Variants in PEX14 observed in about 807,000 individuals in gnomAD.
PEX14 encodes peroxisomal biogenesis factor 14, also known as peroxisomal membrane protein PEX14.
Under a neutral mutation model 49.5 loss-of-function variants are expected in PEX14, and 15 were observed. The ratio of observed to expected loss-of-function variants is 0.30; its 90% CI spans 0.20 to 0.47. PEX14 has a LOEUF of 0.47. Among genes scored for constraint, PEX14 ranks in the 20% least tolerant of loss-of-function variants. The pLI, the probability that PEX14 is intolerant of heterozygous loss-of-function variation, is 1.00. For synonymous variants in PEX14, 210 were observed against 212.7 expected (o/e 0.99, Z 0.11); for missense variants, 398 against 494.8 (o/e 0.80, Z 1.86).
At chr1:10,486,432 C>A (rs932227654) in intron 1 of PEX14, among the ~76,000 whole-genome samples, 1 of 150,592 alleles carries the variant, frequency 6.6e-6, no homozygotes, top group East Asian at 2.0e-4. Flanking sequence ...GTAATCCCAG[C>A]ACTTTGGGAG....
chr1:10,563,216 G>A (rs926686854), intron 3 of PEX14, among the ~76,000 whole-genome samples: 6 of 150,832 alleles, frequency 4.0e-5, no homozygotes, highest in Admixed American at 1.3e-4. Flanking sequence ...GCGCCTGGCC[G>A]CTGAATGGTG....
At position 10,594,813 on chromosome 1, in the gene PEX14, G is replaced by A. The variant is rs907226898; in HGVS notation, c.170-4425G>A. On this transcript the variant is annotated intron_variant, in intron 3 of 8. Transcript: ENST00000356607. ...CTGAGTCGTGGGAAAGGACCCTAGG[G>A]CATCACAATCGCAGCCTGTACCCTG... 8.4e-4 allele frequency among the ~76,000 whole-genome samples: 56 copies of A among 66,286 alleles called. 1 individual carries two copies. The highest frequency in any genetic ancestry group is 2.5e-3 in the East Asian group (8 of 3,226). 43.5% of individuals were successfully genotyped at this position (66,286 alleles called of 152,430 possible).
At chr1:10,559,285 A>G (rs1230855878) in intron 3 of PEX14, among the ~76,000 whole-genome samples, 1 of 152,204 alleles carries the variant, frequency 6.6e-6, no homozygotes, top group Non-Finnish European at 1.5e-5. Flanking sequence ...CATAGCCATG[A>G]TGATTCCTAG....
chr1:10,530,078 C>T (rs1244901688), intron 2 of PEX14, among the ~76,000 whole-genome samples: 1 of 152,126 alleles, frequency 6.6e-6, no homozygotes, highest in Non-Finnish European at 1.5e-5. Flanking sequence ...GTTGACTTTC[C>T]CTTCTCCTTT....
chr1:10,550,635 A>G (rs950912922), intron 3 of PEX14, among the ~76,000 whole-genome samples: 2 of 152,250 alleles, frequency 1.3e-5, no homozygotes, highest in African/African-American at 4.8e-5. Flanking sequence ...GCTTAAAAGC[A>G]TTCACACATA....
At chr1:10,625,397 C>T (rs976818121) in intron 7 of PEX14, among the ~76,000 whole-genome samples, 6 of 152,228 alleles carry the variant, frequency 3.9e-5, no homozygotes, top group Non-Finnish European at 8.8e-5. Context: ...TCCCGAGTTG[C>T]TTACCCAGGG....
intron 3 of PEX14, among the ~76,000 whole-genome samples, chr1:10,575,678 A>T (rs910092773): frequency 2.0e-5 from 3 of 152,174 alleles, no homozygotes; most frequent in African/African-American, 7.2e-5. Context: ...ACGTTCTTCT[A>T]GTTTCTTGAG....
intron 3 of PEX14, among the ~76,000 whole-genome samples, chr1:10,570,452 C>T (rs1639938401): frequency 6.6e-6 from 1 of 152,042 alleles, no homozygotes; most frequent in African/African-American, 2.4e-5. Context: ...CCTGCCTCAG[C>T]CTCCTGAGTA....
At chr1:10,505,245 G>A (rs1641761158) in intron 2 of PEX14, among the ~76,000 whole-genome samples, 1 of 152,118 alleles carries the variant, frequency 6.6e-6, no homozygotes, top group Admixed American at 6.5e-5. Context: ...TGAGGCAAGA[G>A]AATTGCTTGA....
At chr1:10,595,313 C>T (rs988397709) in intron 3 of PEX14, among the ~76,000 whole-genome samples, 6 of 152,216 alleles carry the variant, frequency 3.9e-5, no homozygotes, top group Non-Finnish European at 8.8e-5. Flanking sequence ...CCCTCTTCGC[C>T]TCCCCTCCTC....
In PEX14 at chr1:10,494,885, G is replaced by A. The variant is rs185819772; in HGVS notation, c.37-389G>A. Among the ~76,000 whole-genome samples, 16 of 152,312 alleles carry A rather than the reference G, an allele frequency of 1.1e-4. No homozygotes were observed. Among genetic ancestry groups the A allele is most frequent in the African/African-American group, 3.8e-4 (16 of 41,568 alleles). On this transcript the variant is annotated intron_variant, in intron 1 of 8. Transcript: ENST00000356607. The surrounding 1 kb of genome is among the most constrained non-coding windows in gnomAD (Gnocchi z 4.3). The stretch of plus-strand genomic sequence containing the variant: ...CGACTTTTCTTCCCAGTCCCCTGAC[G>A]TTGGGGAGGTGGCAGAAAGAGGAGG...
rs897791758 is a variant in PEX14 at position 10,494,849 on chromosome 1, C to T, written c.37-425C>T. On this transcript the variant is annotated intron_variant, in intron 1 of 8. Coordinates refer to ENST00000356607, the MANE Select transcript of PEX14 (RefSeq NM_004565.3). The surrounding 1 kb of genome is among the most constrained non-coding windows in gnomAD (Gnocchi z 4.3). ...CCCCCTGGTGGTGGAATCTGGTTCTCCACTGCTGCGCGACTTTTCTTCCCA... is the reference window on the plus strand; with the variant it reads ...CCCCCTGGTGGTGGAATCTGGTTCTTCACTGCTGCGCGACTTTTCTTCCCA... 1.3e-5 allele frequency among the ~76,000 whole-genome samples: 2 copies of T among 152,194 alleles called. No homozygotes were observed. Among genetic ancestry groups the T allele is most frequent in the Non-Finnish European group, 2.9e-5 (2 of 68,036 alleles).
rs1327298823 is a variant in PEX14 at position 10,629,466 on chromosome 1, G to A, written c.678-65G>A. ...CGAGCCCTTGCGGGTCAGGGAAGGC[G>A]TGGCCCTTCGAAGGGGGGCGTCCTG... On this transcript the variant is annotated intron_variant, in intron 8 of 8. Coordinates refer to ENST00000356607, the MANE Select transcript of PEX14 (RefSeq NM_004565.3). This position sits in a 1 kb window ranked among gnomAD's most constrained non-coding sequence, Gnocchi z 8.5. The A allele has an allele frequency of 7.9e-6, 9 of 1,133,202 alleles. No homozygotes were observed. The highest frequency in any genetic ancestry group is 1.2e-5 in the Non-Finnish European group (9 of 753,470). 70.2% of individuals were successfully genotyped at this position (1,133,202 alleles called of 1,614,324 possible). A position where few individuals can be genotyped will look rare whatever the true frequency, so the allele number is the denominator to read the frequency against.
chr1:10,532,986 C>A (rs1202661575), intron 2 of PEX14, among the ~76,000 whole-genome samples: 2 of 152,120 alleles, frequency 1.3e-5, no homozygotes. Flanking sequence ...CTTCTCCCAT[C>A]GATGTATGAA....
rs149361360 is a variant in PEX14 at position 10,580,542 on chromosome 1, C to T, written c.170-18696C>T. Among the ~76,000 whole-genome samples the T allele has an allele frequency of 8.5e-5, 13 of 152,122 alleles. 2 individuals carry two copies. Among genetic ancestry groups the T allele is most frequent in the African/African-American group, 2.7e-4 (11 of 41,502 alleles). On this transcript the variant is annotated intron_variant, in intron 3 of 8. Coordinates refer to ENST00000356607, the MANE Select transcript of PEX14 (RefSeq NM_004565.3). Reference sequence around the variant, plus strand: ...ACCCAAACAGGCGTGAGCCACTGCACCCGGCCAAGATTCTTAATAAAATGT... The same window carrying T: ...ACCCAAACAGGCGTGAGCCACTGCATCCGGCCAAGATTCTTAATAAAATGT...
intron 3 of PEX14, among the ~76,000 whole-genome samples, chr1:10,545,324 A>T (rs982681451): frequency 1.3e-5 from 2 of 152,112 alleles, no homozygotes; most frequent in Admixed American, 6.5e-5. Context: ...AGGGACATAT[A>T]ATTTCTTTTG....
intron 3 of PEX14, among the ~76,000 whole-genome samples, chr1:10,596,621 T>G (rs1640839935): frequency 6.6e-6 from 1 of 152,150 alleles, no homozygotes; most frequent in African/African-American, 2.4e-5. Context: ...TGAGTGCCCA[T>G]CACATCACCA....
At chr1:10,550,961 C>T (rs1188514933) in intron 3 of PEX14, among the ~76,000 whole-genome samples, 6 of 152,206 alleles carry the variant, frequency 3.9e-5, no homozygotes, top group African/African-American at 1.4e-4. Flanking sequence ...GGCTTTCATC[C>T]TAAGCCCCAT....
chr1:10,560,129 C>T lies in PEX14; in HGVS notation c.169+23832C>T, dbSNP rs542539040. ...CTGGAATGCAATGGCACGATCTTGG[C>T]TCACTGCAATCTCTGCCTCCCGGGT... On this transcript the variant is annotated intron_variant, in intron 3 of 8. Transcript: ENST00000356607. 2.6e-5 allele frequency among the ~76,000 whole-genome samples: 4 copies of T among 152,088 alleles called. No individual in the cohort carries two copies. The East Asian group carries it at 7.7e-4, about 29-fold the overall frequency.
Sources: gnomAD v4.1 joint callset for allele counts (sites outside exome capture counted in the v4.1 genomes callset) on GRCh38, gnomAD v4.1.1 for gene constraint, Gnocchi (gnomAD v3.1) non-coding constraint, MANE v1.5 for transcripts, NCBI Gene and HGNC (gene_info 2026-07-23, HGNC 2026-07-21) for gene names.